The following C12orf54 variants were observed in gnomAD, a reference collection of about 807,000 sequenced individuals.
C12orf54 encodes the protein uncharacterized protein C12orf54.
C12orf54 carries 24 observed loss-of-function variants against 26.4 expected under a neutral mutation model. The observed-to-expected ratio is 0.91, with a 90% CI of 0.66 to 1.28. C12orf54 has a LOEUF of 1.28. Among genes scored for constraint, C12orf54 ranks in the 50% most tolerant of loss-of-function variants. C12orf54 has a pLI of 0.00. For synonymous variants in C12orf54, 54 were observed against 47.0 expected (o/e 1.15, Z -0.61); for missense variants, 154 against 150.9 (o/e 1.02, Z -0.11).
chr12:48,448,565 A>G, the C12orf54 span, among the ~76,000 whole-genome samples: 26 of 152,320 alleles, frequency 1.7e-4, no homozygotes, highest in Middle Eastern at 6.8e-3. Context: ...TGCATATTTT[A>G]TAGGATTTTC....
At chr12:48,447,182 T>A in the C12orf54 span, among the ~76,000 whole-genome samples, 1 of 150,950 alleles carries the variant, frequency 6.6e-6, no homozygotes, top group Non-Finnish European at 1.5e-5. Flanking sequence ...TTGTAAGAGA[T>A]ATGAGAGCTC....
chr12:48,460,523 T>G, the C12orf54 span, among the ~76,000 whole-genome samples: 1 of 152,128 alleles, frequency 6.6e-6, no homozygotes, highest in East Asian at 1.9e-4. Context: ...CACATGATAC[T>G]TACAAAGGTA....
At chr12:48,440,914 G>T in the C12orf54 span, among the ~76,000 whole-genome samples, 53 of 152,318 alleles carry the variant, frequency 3.5e-4, no homozygotes, top group African/African-American at 1.1e-3. Context: ...ATTAAAAGGA[G>T]AATTCATGTA....
chr12:48,477,471 A>AAG, the C12orf54 span, among the ~76,000 whole-genome samples: 1 of 152,348 alleles, frequency 6.6e-6, no homozygotes, highest in African/African-American at 2.4e-5. Context: ...GGTTTTTTGA[A>AAG]GACATCAACA....
chr12:48,424,163 T>C, the C12orf54 span, among the ~76,000 whole-genome samples: 1 of 152,152 alleles, frequency 6.6e-6, no homozygotes, highest in African/African-American at 2.4e-5. Flanking sequence ...GATTTTAGAA[T>C]GCTAAGAGCA....
chr12:48,436,971 G>A, the C12orf54 span, among the ~76,000 whole-genome samples: 1 of 152,188 alleles, frequency 6.6e-6, no homozygotes. Flanking sequence ...CCAGGAGCTT[G>A]TTTTTTGAAA....
chr12:48,413,443 C>G, the C12orf54 span, among the ~76,000 whole-genome samples: 1 of 152,104 alleles, frequency 6.6e-6, no homozygotes, highest in African/African-American at 2.4e-5. Context: ...AAGAAGAGGG[C>G]GGTCCTGAGG....
At chr12:48,486,820 GCGGTTTGTTGATTGACGGTGAAGGAT>G (rs1408422048) in intron 4 of C12orf54, 94 bp downstream of exon 4, 14 of 1,313,354 alleles carry the variant, frequency 1.1e-5, no homozygotes, top group Non-Finnish European at 1.5e-5. Flanking sequence ...CTTTCCTTGA[GCGGTTTGTTGATTGACGGTGAAGGAT>G]CAACACGCTC....
Position 48,494,806 on chromosome 12 carries a change from G to A in C12orf54, c.251G>A (p.Arg84Lys). The A allele has an allele frequency of 6.2e-7, 1 of 1,613,816 alleles. No individual in the cohort carries two copies. Among genetic ancestry groups the A allele is most frequent in the Admixed American group, 1.7e-5 (1 of 60,020 alleles). The change falls in exon 8 of 9, where the codon AGG becomes AAG. Residue 84 changes from arginine (R) to lysine (K), a missense_variant. Transcript: ENST00000548364. ...MTSAPRTGSIRPPDSLMTPKL... is the reference protein window; with the variant it reads ...MTSAPRTGSIKPPDSLMTPKL... ...TCTCTATTTTGGCACAGAAGCATAA[G>A]GCCTCCAGATTCCTTGATGACCCCA... is the stretch of plus-strand genomic sequence containing the variant.
the C12orf54 span, among the ~76,000 whole-genome samples, chr12:48,414,160 T>G: frequency 1.1e-3 from 164 of 152,376 alleles, no homozygotes; most frequent in Middle Eastern, 3.4e-3. Context: ...GGCAGGCGCT[T>G]TCTGCTTCCT....
the C12orf54 span, among the ~76,000 whole-genome samples, chr12:48,465,308 A>T: frequency 6.6e-6 from 1 of 152,226 alleles, no homozygotes; most frequent in Admixed American, 6.5e-5. Context: ...AATTATATGA[A>T]AAAAAGCTGA....
chr12:48,414,364 T>C, the C12orf54 span, among the ~76,000 whole-genome samples: 3 of 152,226 alleles, frequency 2.0e-5, no homozygotes, highest in Admixed American at 6.5e-5. Context: ...CACGCAGTTC[T>C]CCGGAAAATC....
the C12orf54 span, chr12:48,473,557 TG>T: frequency 1.2e-5 from 4 of 327,352 alleles, no homozygotes; most frequent in African/African-American, 8.6e-5. Flanking sequence ...AAAAGTGTAC[TG>T]GGGGTTGTGA....
chr12:48,434,460 C>A, the C12orf54 span, among the ~76,000 whole-genome samples: 1 of 152,202 alleles, frequency 6.6e-6, no homozygotes, highest in Non-Finnish European at 1.5e-5. Flanking sequence ...GGGCAGACTG[C>A]CTCCTCAAGT....
At chr12:48,476,411 T>C in the C12orf54 span, among the ~76,000 whole-genome samples, 1 of 152,308 alleles carries the variant, frequency 6.6e-6, no homozygotes, top group Admixed American at 6.5e-5. Context: ...ACTTTAAATG[T>C]AAATGGGCTA....
the C12orf54 span, among the ~76,000 whole-genome samples, chr12:48,423,089 C>T: frequency 2.0e-3 from 298 of 152,250 alleles, 1 homozygote; most frequent in African/African-American, 6.8e-3. Context: ...GTATTCATAA[C>T]ATAAAACAGT....
the C12orf54 span, among the ~76,000 whole-genome samples, chr12:48,435,790 G>C: frequency 9.9e-3 from 1,514 of 152,294 alleles, 22 homozygotes; most frequent in African/African-American, 0.035. Context: ...ACCAGTACCA[G>C]TGACTGCAAA....
At chr12:48,430,916 G>T in the C12orf54 span, among the ~76,000 whole-genome samples, 2 of 150,032 alleles carry the variant, frequency 1.3e-5, no homozygotes, top group African/African-American at 4.9e-5. Context: ...ATCAATCAAC[G>T]AGTGGGTAAA....
the C12orf54 span, among the ~76,000 whole-genome samples, chr12:48,451,494 C>A: frequency 3.9e-5 from 6 of 152,052 alleles, no homozygotes; most frequent in African/African-American, 1.4e-4. Context: ...CTGGCCAGGG[C>A]AATCAGGCGA....
Sources: gnomAD v4.1 joint callset for allele counts (sites outside exome capture counted in the v4.1 genomes callset) on GRCh38, gnomAD v4.1.1 for gene constraint, MANE v1.5 for transcripts, NCBI Gene and HGNC (gene_info 2026-07-23, HGNC 2026-07-21) for gene names.